NTSR1: variants seen among roughly 807,000 people sequenced by gnomAD.
NTSR1 encodes the protein neurotensin receptor type 1.
A neutral mutation model predicts 31.2 loss-of-function variants in NTSR1; 29 were observed. The observed-to-expected ratio is 0.93, with a 90% CI of 0.69 to 1.27. The LOEUF is 1.27. NTSR1 is among the 50% of genes most tolerant of loss of function. The pLI, the probability that NTSR1 is intolerant of heterozygous loss-of-function variation, is 0.00. For missense variants in NTSR1, 697 were observed against 595.4 expected (o/e 1.17, Z -1.78); for synonymous variants, 282 against 269.9 (o/e 1.04, Z -0.44).
At chr20:62,740,301 C>A (rs111605906) in intron 1 of NTSR1, among the ~76,000 whole-genome samples, 1 of 151,748 alleles carries the variant, frequency 6.6e-6, no homozygotes, top group East Asian at 1.9e-4. Flanking sequence ...GCAGATCTTA[C>A]AAGCCGTGCA....
chr20:62,717,912 G>A (rs1173887727), intron 1 of NTSR1, among the ~76,000 whole-genome samples: 1 of 152,140 alleles, frequency 6.6e-6, no homozygotes, highest in Non-Finnish European at 1.5e-5. Context: ...GGAGTAACGA[G>A]AGCCGCAGAG....
At chr20:62,753,180 C>T (rs751357514) in intron 1 of NTSR1, among the ~76,000 whole-genome samples, 1 of 152,196 alleles carries the variant, frequency 6.6e-6, no homozygotes, top group Admixed American at 6.5e-5. Flanking sequence ...TGAGTGGAGC[C>T]GGGAGCTTCG....
chr20:62,727,234 G>A (rs534674893), intron 1 of NTSR1, among the ~76,000 whole-genome samples: 21 of 152,252 alleles, frequency 1.4e-4, no homozygotes, highest in Middle Eastern at 3.4e-3. Flanking sequence ...CAGGCTCCCC[G>A]GCCCCACAGA....
intron 1 of NTSR1, among the ~76,000 whole-genome samples, chr20:62,722,061 T>G (rs990564201): frequency 4.5e-4 from 68 of 152,220 alleles, no homozygotes; most frequent in Admixed American, 4.4e-3. Flanking sequence ...CTAGTAATTT[T>G]TAACCTATAC....
In NTSR1 at chr20:62,745,523, C is replaced by CA. The variant is rs1236827638; in HGVS notation, c.715-9161dup. Among the ~76,000 whole-genome samples the CA allele has an allele frequency of 1.3e-5, 2 of 151,850 alleles. No individual in the cohort carries two copies. The highest frequency in any genetic ancestry group is 4.8e-5 in the African/African-American group (2 of 41,318). The stretch of plus-strand genomic sequence containing the variant: ...ACAGACACAGGAAAACAGTGAAAGA[C>CA]AGAGACACAGAGGAAAACACACAGA... On this transcript the variant is annotated intron_variant, in intron 1 of 3. Transcript: ENST00000370501. The surrounding 1 kb of genome is among the most constrained non-coding windows in gnomAD (Gnocchi z 4.1).
chr20:62,719,429 A>G (rs1309950639), intron 1 of NTSR1, among the ~76,000 whole-genome samples: 1 of 52,382 alleles, frequency 1.9e-5, no homozygotes, highest in Non-Finnish European at 5.8e-5. Context: ...ACACTGTCAC[A>G]TGACCATCTC....
At position 62,741,024 on chromosome 20, in the gene NTSR1, G is replaced by A. The variant is rs748850199; in HGVS notation, c.715-13661G>A. On this transcript the variant is annotated intron_variant, in intron 1 of 3. Transcript: ENST00000370501. The surrounding 1 kb of genome is among the most constrained non-coding windows in gnomAD (Gnocchi z 4.3). ...GTTCTGGGCCCCGGCCAGGCTCAGCGAGGGGAGGGCCGTTCCCGGGGCTGA... is the reference window on the plus strand; with the variant it reads ...GTTCTGGGCCCCGGCCAGGCTCAGCAAGGGGAGGGCCGTTCCCGGGGCTGA... Among the ~76,000 whole-genome samples the A allele has an allele frequency of 1.3e-5, 2 of 152,214 alleles. No individual in the cohort carries two copies. The highest frequency in any genetic ancestry group is 2.4e-5 in the African/African-American group (1 of 41,454).
At chr20:62,753,865 G>A (rs1039216323) in intron 1 of NTSR1, among the ~76,000 whole-genome samples, 3 of 152,246 alleles carry the variant, frequency 2.0e-5, no homozygotes, top group African/African-American at 7.2e-5. Flanking sequence ...TTGAGGAGGA[G>A]GCTAGGCCAC....
At chr20:62,753,987 A>T (rs1020055229) in intron 1 of NTSR1, among the ~76,000 whole-genome samples, 1 of 152,192 alleles carries the variant, frequency 6.6e-6, no homozygotes, top group Non-Finnish European at 1.5e-5. Context: ...ATCCAGGCAC[A>T]GCCCCCCTTG....
intron 1 of NTSR1, among the ~76,000 whole-genome samples, chr20:62,734,877 A>G (rs1310681203): frequency 1.3e-5 from 2 of 152,254 alleles, no homozygotes; most frequent in Non-Finnish European, 2.9e-5. Flanking sequence ...CTACTGGTAC[A>G]TTTAAGCCTC....
At chr20:62,727,214 C>T (rs968013176) in intron 1 of NTSR1, among the ~76,000 whole-genome samples, 2 of 152,180 alleles carry the variant, frequency 1.3e-5, no homozygotes, top group African/African-American at 4.8e-5. Context: ...CACCCTGAGC[C>T]GGGCTCCTGC....
chr20:62,721,135 A>G (rs921162062), intron 1 of NTSR1, among the ~76,000 whole-genome samples: 3 of 152,208 alleles, frequency 2.0e-5, no homozygotes, highest in African/African-American at 4.8e-5. Context: ...ATGAAGGTCA[A>G]TTTGTTGGAT....
intron 1 of NTSR1, among the ~76,000 whole-genome samples, chr20:62,738,015 T>A (rs1007161668): frequency 7.3e-5 from 5 of 68,800 alleles, no homozygotes; most frequent in Admixed American, 3.6e-4. Flanking sequence ...CCCCTGGTCC[T>A]CCGCAACAGC....
rs544144102 is a variant in NTSR1, at chr20:62,731,358, A to G, written c.714+21437A>G. Among the ~76,000 whole-genome samples the G allele has an allele frequency of 2.6e-5, 4 of 152,352 alleles. No individual in the cohort carries two copies. The South Asian group carries it at 8.3e-4, about 32-fold the overall frequency. The stretch of plus-strand genomic sequence containing the variant: ...CTTGGCCTCCAAAAGTGCTGGGATT[A>G]CAAGTGTGAGCCACCACGCCCAGCC... On this transcript the variant is annotated intron_variant, in intron 1 of 3. Transcript: ENST00000370501.
chr20:62,717,131 G>A (rs1252653635), intron 1 of NTSR1, among the ~76,000 whole-genome samples: 1 of 152,222 alleles, frequency 6.6e-6, no homozygotes, highest in Non-Finnish European at 1.5e-5. Flanking sequence ...CTTCCCAAAA[G>A]CATTGCCAGT....
At chr20:62,747,957 C>T (rs1257143893) in intron 1 of NTSR1, among the ~76,000 whole-genome samples, 3 of 152,174 alleles carry the variant, frequency 2.0e-5, no homozygotes, top group Non-Finnish European at 4.4e-5. Context: ...GGGTGGATCA[C>T]CTGAGGTCAG....
In NTSR1 at chr20:62,760,069, C is replaced by A; in HGVS notation, c.1059C>A (p.Phe353Leu). Residue 353 changes from phenylalanine to leucine, a missense_variant, in exon 4 of 4, where the codon TTC becomes TTA. Coordinates refer to ENST00000370501, the MANE Select transcript of NTSR1 (RefSeq NM_002531.3). ...TCTACATGGTGACCAACGCACTCTT[C>A]TACGTCAGCTCCACCATCAACCCCA... ...HYFYMVTNALFYVSSTINPIL... is the reference protein window; with the variant it reads ...HYFYMVTNALLYVSSTINPIL... 3 of 1,614,136 alleles carry A rather than the reference C, an allele frequency of 1.9e-6. No individual in the cohort carries two copies. Among genetic ancestry groups the A allele is most frequent in the South Asian group, 1.1e-5 (1 of 91,084 alleles).
intron 1 of NTSR1, among the ~76,000 whole-genome samples, chr20:62,747,300 G>A (rs1279522346): frequency 8.0e-5 from 12 of 150,704 alleles, no homozygotes; most frequent in South Asian, 6.4e-4. Flanking sequence ...TAAAGGCCAC[G>A]TATGACAGAC....
chr20:62,731,922 C>G (rs1989007514), intron 1 of NTSR1, among the ~76,000 whole-genome samples: 1 of 152,146 alleles, frequency 6.6e-6, no homozygotes, highest in African/African-American at 2.4e-5. Flanking sequence ...AGTTCGAGGC[C>G]AGTCTGGCCA....
Sources: gnomAD v4.1 joint callset for allele counts (sites outside exome capture counted in the v4.1 genomes callset) on GRCh38, gnomAD v4.1.1 for gene constraint, Gnocchi (gnomAD v3.1) non-coding constraint, MANE v1.5 for transcripts, NCBI Gene and HGNC (gene_info 2026-07-23, HGNC 2026-07-21) for gene names.